USP6: variants seen among roughly 807,000 people sequenced by gnomAD.
The protein encoded by USP6 is ubiquitin specific peptidase 6, also known as ubiquitin carboxyl-terminal hydrolase 6.
Under a neutral mutation model 175.7 loss-of-function variants are expected in USP6, and 128 were observed. That is an observed-to-expected ratio of 0.73 (90% CI 0.63 to 0.84). USP6 has a LOEUF of 0.84. Ranked by LOEUF, USP6 falls within the 40% of genes least tolerant of loss-of-function variation. The probability of loss-of-function intolerance (pLI) is 0.00; values close to 1 mark genes in which losing one functional copy is unlikely to be tolerated. For missense variants in USP6, 1,498 were observed against 1,760.3 expected, an observed-to-expected ratio of 0.85 and a Z score of 2.67; for synonymous variants, 562 against 630.6, an observed-to-expected ratio of 0.89 and a Z score of 1.63.
chr17:5,166,075 C>T (rs995772062), intron 33 of USP6, among the ~76,000 whole-genome samples: 20 of 152,156 alleles, frequency 1.3e-4, no homozygotes, highest in Non-Finnish European at 2.2e-4. Flanking sequence ...GTATATGATA[C>T]ACCCCTTTTT....
intron 21 of USP6, 90 bp downstream of exon 21, chr17:5,138,363 GGCCTTCCTC>G: frequency 6.3e-7 from 1 of 1,590,730 alleles, no homozygotes. Context: ...CTACTACCTG[GGCCTTCCTC>G]TTCACCTTTT....
chr17:5,144,584 C>G, intron 25 of USP6, 106 bp from the exon 26 acceptor site: 1 of 1,306,408 alleles, frequency 7.7e-7, no homozygotes, highest in Non-Finnish European at 1.1e-6. Flanking sequence ...AGACTAAGTA[C>G]TATACTATTT....
intron 30 of USP6, among the ~76,000 whole-genome samples, chr17:5,153,906 G>T (rs559349475): frequency 4.6e-5 from 7 of 152,246 alleles, no homozygotes; most frequent in Admixed American, 1.3e-4. Flanking sequence ...TGCCTGCCTC[G>T]GCCTCCCGAA....
At chr17:5,154,999 G>A (rs917769592) in intron 30 of USP6, among the ~76,000 whole-genome samples, 1 of 152,210 alleles carries the variant, frequency 6.6e-6, no homozygotes, top group Non-Finnish European at 1.5e-5. Flanking sequence ...GCCTCCCAAA[G>A]TGCTGGGATT....
chr17:5,134,280 A>C lies in USP6; in HGVS notation c.494+284A>C, dbSNP rs2073180780. ...GAAAGGTGCTCTCCCTGACCCACGGAGACCCATGGTAGGACCCACAGGAGG... is the reference window on the plus strand; with the variant it reads ...GAAAGGTGCTCTCCCTGACCCACGGCGACCCATGGTAGGACCCACAGGAGG... On this transcript the variant is annotated intron_variant, in intron 15 of 37. Transcript: ENST00000574788. The C allele has an allele frequency of 1.2e-5, 5 of 417,376 alleles. No individual in the cohort carries two copies. The South Asian group carries it at 1.2e-4, about 10-fold the overall frequency. The allele number at this position is 417,376 out of a possible 1,614,324, so 25.9% of individuals were successfully genotyped here. A position where few individuals can be genotyped will look rare whatever the true frequency, so the allele number is the denominator to read the frequency against.
At chr17:5,138,366 C>T (rs1342593880) in intron 21 of USP6, 93 bp downstream of exon 21, 1 of 1,587,192 alleles carries the variant, frequency 6.3e-7, no homozygotes, top group Non-Finnish European at 8.6e-7. Context: ...CTACCTGGGC[C>T]TTCCTCTTCA....
intron 33 of USP6, among the ~76,000 whole-genome samples, chr17:5,164,538 T>C (rs2074063039): frequency 6.6e-6 from 1 of 152,260 alleles, no homozygotes; most frequent in Non-Finnish European, 1.5e-5. Flanking sequence ...TATAAATCTC[T>C]TCCTCTTTTT....
intron 11 of USP6, among the ~76,000 whole-genome samples, chr17:5,131,336 G>A (rs559276826): frequency 6.6e-6 from 1 of 151,280 alleles, no homozygotes; most frequent in East Asian, 2.0e-4. Context: ...AGCCCAGCCT[G>A]GAGCCCAACC....
chr17:5,147,055 C>A, intron 28 of USP6, 28 bp from the exon 29 acceptor site: 1 of 1,585,770 alleles, frequency 6.3e-7, no homozygotes, highest in East Asian at 2.3e-5. Context: ...AACATCTCCC[C>A]CTTCTCATCT....
Position 5,168,756 on chromosome 17 carries a change from T to A in USP6, c.3229-11T>A, listed in dbSNP as rs1255714066. ...CCTTTAATGCGATGTTTTCTACCTT[T>A]ACTTCTCCAGATTATTCACCTTAAG... is the stretch of plus-strand genomic sequence containing the variant. On this transcript the variant is annotated splice_polypyrimidine_tract_variant and intron_variant, in intron 34 of 37. Transcript: ENST00000574788. 6.4e-7 allele frequency: 1 copy of A among 1,552,278 alleles called. No homozygotes were observed.
At chr17:5,141,344 T>TAAAA in intron 22 of USP6, 81 bp from the exon 23 acceptor site, 1 of 1,286,032 alleles carries the variant, frequency 7.8e-7, no homozygotes, top group Non-Finnish European at 1.1e-6. Flanking sequence ...TAAGATGTCT[T>TAAAA]TAAAAAAAAA....
intron 32 of USP6, 122 bp from the exon 33 acceptor site, chr17:5,162,762 A>G (rs1317893072): frequency 7.2e-7 from 1 of 1,397,096 alleles, no homozygotes; most frequent in Non-Finnish European, 9.5e-7. Flanking sequence ...TTAGAAGCCC[A>G]TGACAAATTG....
intron 30 of USP6, among the ~76,000 whole-genome samples, chr17:5,154,747 C>A (rs964840928): frequency 1.4e-5 from 2 of 146,608 alleles, no homozygotes; most frequent in Non-Finnish European, 3.0e-5. Flanking sequence ...CTTTTCATTT[C>A]TTTTTCTGAG....
rs568632382 is a variant in USP6 at position 5,139,585 on chromosome 17, A to G, written c.1409A>G (p.His470Arg). The change falls in exon 22 of 38, where the codon CAT becomes CGT. Residue 470 changes from histidine to arginine, a missense_variant. Transcript: ENST00000574788. Reference sequence around the variant, plus strand: ...GATATAGGGGGCCCTTGGTTCCCCCATTATGATTTTGAATGGAGCTGCTGG... The same window carrying G: ...GATATAGGGGGCCCTTGGTTCCCCCGTTATGATTTTGAATGGAGCTGCTGG... ...DLDIGGPWFP[H>R]YDFEWSCWVR... 10 of 1,613,752 alleles carry G rather than the reference A, an allele frequency of 6.2e-6. No homozygotes were observed. In the African/African-American group the frequency reaches 6.7e-5, roughly 11 times the overall value.
chr17:5,162,126 T>C (rs2074015882), intron 32 of USP6, among the ~76,000 whole-genome samples: 1 of 152,170 alleles, frequency 6.6e-6, no homozygotes, highest in African/African-American at 2.4e-5. Flanking sequence ...CAAACATTTA[T>C]TACTCTATAA....
At chr17:5,159,798 A>G (rs2073967397) in intron 31 of USP6, among the ~76,000 whole-genome samples, 1 of 152,088 alleles carries the variant, frequency 6.6e-6, no homozygotes, top group Non-Finnish European at 1.5e-5. Context: ...TGCTGTCTTT[A>G]CAAAAAATGT....
intron 13 of USP6, among the ~76,000 whole-genome samples, 182 bp from the exon 14 acceptor site, chr17:5,133,261 A>G (rs1385580708): frequency 2.0e-5 from 3 of 152,010 alleles, no homozygotes; most frequent in Non-Finnish European, 4.4e-5. Flanking sequence ...TTCGGATCAG[A>G]GTTTAGACTC....
intron 32 of USP6, among the ~76,000 whole-genome samples, chr17:5,162,353 T>C (rs1480888541): frequency 6.6e-6 from 1 of 152,110 alleles, no homozygotes; most frequent in Non-Finnish European, 1.5e-5. Flanking sequence ...GGTTTTGCCA[T>C]GTTAAACTGG....
intron 30 of USP6, among the ~76,000 whole-genome samples, 188 bp downstream of exon 30, chr17:5,148,955 A>T (rs1368331544): frequency 6.6e-6 from 1 of 152,090 alleles, no homozygotes. Context: ...GTTGCTATGA[A>T]TGTATTTTCA....
Sources: allele counts gnomAD v4.1 joint callset (sites outside exome capture counted in the v4.1 genomes callset), GRCh38; gene constraint gnomAD v4.1.1; transcripts MANE v1.5; gene names NCBI Gene and HGNC (gene_info 2026-07-23, HGNC 2026-07-21).